Variants in FBXL13 observed in about 807,000 individuals in gnomAD.
FBXL13 encodes F-box and leucine rich repeat protein 13.
FBXL13 carries 67 observed loss-of-function variants against 83.6 expected under a neutral mutation model. That is an observed-to-expected ratio of 0.80 (90% CI 0.66 to 0.98). The LOEUF is 0.98. Among genes scored for constraint, FBXL13 ranks in the 50% least tolerant of loss-of-function variants. The pLI, the probability that FBXL13 is intolerant of heterozygous loss-of-function variation, is 0.00. For missense variants in FBXL13, 822 were observed against 866.5 expected, an observed-to-expected ratio of 0.95 and a Z score of 0.64; for synonymous variants, 272 against 299.5, an observed-to-expected ratio of 0.91 and a Z score of 0.95.
chr7:103,008,139 A>G (rs867796182), intron 6 of FBXL13, among the ~76,000 whole-genome samples: 1 of 152,230 alleles, frequency 6.6e-6, no homozygotes, highest in Non-Finnish European at 1.5e-5. Flanking sequence ...AACGCCTAAC[A>G]TTAGTCTACT....
At chr7:102,858,428 G>A (rs1007695596) in intron 16 of FBXL13, among the ~76,000 whole-genome samples, 1 of 152,214 alleles carries the variant, frequency 6.6e-6, no homozygotes, top group Admixed American at 6.5e-5. Context: ...AACTAGAAGA[G>A]AGGATCTTTA....
At chr7:102,869,077 A>C (rs1563019207) in intron 16 of FBXL13, among the ~76,000 whole-genome samples, 1 of 152,218 alleles carries the variant, frequency 6.6e-6, no homozygotes, top group Non-Finnish European at 1.5e-5. Flanking sequence ...TAATGGCTGT[A>C]CTAATTGTAA....
chr7:102,925,748 C>G (rs961132813), intron 10 of FBXL13, among the ~76,000 whole-genome samples: 1 of 152,024 alleles, frequency 6.6e-6, no homozygotes, highest in South Asian at 2.1e-4. Flanking sequence ...TTGAGACCAG[C>G]CTGACCAACA....
chr7:102,976,175 C>T (rs1205068443), intron 6 of FBXL13: 2 of 766,180 alleles, frequency 2.6e-6, no homozygotes, highest in Non-Finnish European at 4.8e-6. Context: ...TTGGAACAGA[C>T]ACCCCAGCAA....
At chr7:102,901,255 A>C (rs1812929870) in intron 11 of FBXL13, among the ~76,000 whole-genome samples, 1 of 152,190 alleles carries the variant, frequency 6.6e-6, no homozygotes, top group Admixed American at 6.5e-5. Context: ...TGTGTTTTGC[A>C]GTATTTATTT....
intron 16 of FBXL13, among the ~76,000 whole-genome samples, chr7:102,874,621 G>T (rs954399581): frequency 1.3e-5 from 2 of 152,168 alleles, no homozygotes; most frequent in Non-Finnish European, 2.9e-5. Flanking sequence ...CTGGAGTACA[G>T]TGGTACAATC....
At chr7:102,880,051 A>G (rs187424251) in intron 14 of FBXL13, among the ~76,000 whole-genome samples, 201 of 152,318 alleles carry the variant, frequency 1.3e-3, no homozygotes, top group Non-Finnish European at 2.5e-3. Flanking sequence ...CTGACACCTT[A>G]GGATTTTTAC....
At chr7:102,973,791 G>C (rs754910169) in intron 6 of FBXL13, 10 of 749,320 alleles carry the variant, frequency 1.3e-5, no homozygotes, top group Admixed American at 1.8e-5. Context: ...CCGGGAGCCC[G>C]GTTAACAAGG....
At chr7:103,056,292 T>C (rs1390458966) in intron 1 of FBXL13, among the ~76,000 whole-genome samples, 1 of 152,116 alleles carries the variant, frequency 6.6e-6, no homozygotes, top group East Asian at 1.9e-4. Context: ...GCTGGTTCCA[T>C]ATTTTTGCAA....
rs557961968 is a variant in FBXL13 at position 102,845,119 on chromosome 7, AATT to A, written c.1719+9655_1719+9657del. ...GGGGCTTCGTCATATAGACACCATC[AATT>A]ATTAGCTCAATCTCCAGCCCCTCTC... is the stretch of plus-strand genomic sequence containing the variant. On this transcript the variant is annotated intron_variant, in intron 17 of 19. Transcript: ENST00000313221. Among the ~76,000 whole-genome samples the A allele has an allele frequency of 4.5e-3, 679 of 152,226 alleles. 8 individuals are homozygous for A. The highest frequency in any genetic ancestry group is 0.015 in the African/African-American group (626 of 41,538).
chr7:103,023,231 G>A lies in FBXL13; in HGVS notation c.495+1832C>T, dbSNP rs1373727533. ...GTGGAGCCTGCAGTGAGCTGAGATC[G>A]CGCCACTGCACTCCAGCCTGAGCGA... is the stretch of plus-strand genomic sequence containing the variant. On this transcript the variant is annotated intron_variant, in intron 6 of 19. Transcript: ENST00000313221. Among the ~76,000 whole-genome samples, 4 of 152,090 alleles carry A rather than the reference G, an allele frequency of 2.6e-5. No individual in the cohort carries two copies. The South Asian group carries it at 6.2e-4, about 24-fold the overall frequency.
At chr7:103,001,426 G>A (rs1790391428) in intron 6 of FBXL13, among the ~76,000 whole-genome samples, 2 of 152,152 alleles carry the variant, frequency 1.3e-5, no homozygotes, top group South Asian at 4.1e-4. Context: ...TGTTATTATT[G>A]ATAGGTACGA....
chr7:102,957,266 C>T (rs1042198595), intron 8 of FBXL13, among the ~76,000 whole-genome samples: 2 of 151,868 alleles, frequency 1.3e-5, no homozygotes, highest in Admixed American at 6.6e-5. Flanking sequence ...ACAAACGTGA[C>T]GAAAACAAGA....
At chr7:102,969,925 A>G (rs1436317976) in intron 6 of FBXL13, among the ~76,000 whole-genome samples, 1 of 152,114 alleles carries the variant, frequency 6.6e-6, no homozygotes, top group Non-Finnish European at 1.5e-5. Flanking sequence ...CCATACTGGC[A>G]AAAGAAAAAC....
At chr7:102,963,494 C>A in intron 8 of FBXL13, 39 bp downstream of exon 9, 1 of 1,598,438 alleles carries the variant, frequency 6.3e-7, no homozygotes, top group Non-Finnish European at 8.5e-7. Context: ...AATTGTAATA[C>A]AGGAAAGCAA....
At chr7:102,894,773 T>A (rs1812055381) in intron 11 of FBXL13, among the ~76,000 whole-genome samples, 1 of 151,770 alleles carries the variant, frequency 6.6e-6, no homozygotes, top group South Asian at 2.1e-4. Context: ...AATACTTTCA[T>A]TTTATATTTC....
At chr7:102,906,555 A>G (rs772827371) in intron 11 of FBXL13, among the ~76,000 whole-genome samples, 1 of 152,178 alleles carries the variant, frequency 6.6e-6, no homozygotes, top group Non-Finnish European at 1.5e-5. Flanking sequence ...GAAGTCCCTC[A>G]GCTTTTGTCT....
chr7:102,941,517 C>G (rs1225013083), intron 8 of FBXL13, among the ~76,000 whole-genome samples: 1 of 152,168 alleles, frequency 6.6e-6, no homozygotes, highest in Admixed American at 6.5e-5. Flanking sequence ...GCACAGCCAG[C>G]TCTGCATGAA....
chr7:103,017,299 G>A (rs1356130971), intron 6 of FBXL13, among the ~76,000 whole-genome samples: 1 of 150,722 alleles, frequency 6.6e-6, no homozygotes, highest in Non-Finnish European at 1.5e-5. Flanking sequence ...AAACAGAAAG[G>A]ACATCCATAC....
Sources: allele counts gnomAD v4.1 joint callset (sites outside exome capture counted in the v4.1 genomes callset), GRCh38; gene constraint gnomAD v4.1.1; transcripts MANE v1.5; gene names NCBI Gene and HGNC (gene_info 2026-07-23, HGNC 2026-07-21).